Variants in NDUFS1 observed in about 807,000 individuals in gnomAD.
NDUFS1 encodes the protein NADH:ubiquinone oxidoreductase core subunit S1.
NDUFS1 carries 61 observed loss-of-function variants against 84.4 expected under a neutral mutation model. The observed-to-expected ratio is 0.72, with a 90% CI of 0.59 to 0.89. The LOEUF (loss-of-function observed/expected upper bound fraction) is 0.89, where lower values mean the gene tolerates loss of function less well. NDUFS1 is among the 40% of genes least tolerant of loss of function. The probability of loss-of-function intolerance (pLI) is 0.00; values close to 1 mark genes in which losing one functional copy is unlikely to be tolerated. For synonymous variants in NDUFS1, 275 were observed against 290.0 expected (o/e 0.95, Z 0.53); for missense variants, 891 against 890.0 (o/e 1.00, Z -0.01).
chr2:206,116,557 G>A lies in NDUFS1; in HGVS notation c.*7628C>T, dbSNP rs1690949657. ...GCCTCAGCCACTCGCGCGGGGAGGC[G>A]GGGCGGTGTGGGCAGAAGTAAATTT... is the stretch of plus-strand genomic sequence containing the variant. On this transcript the variant is annotated 3_prime_UTR_variant, in exon 19 of 19. Transcript: ENST00000233190. 9 of 664,580 alleles carry A rather than the reference G, an allele frequency of 1.4e-5. No homozygotes were observed. The highest frequency in any genetic ancestry group is 3.4e-5 in the South Asian group (2 of 58,402). 41.2% of individuals were successfully genotyped at this position (664,580 alleles called of 1,614,324 possible).
Position 206,127,938 on chromosome 2 carries a change from A to G in NDUFS1, c.1743T>C (p.Asp581=). 1 of 1,614,154 alleles carries G rather than the reference A, an allele frequency of 6.2e-7. No homozygotes were observed. The highest frequency in any genetic ancestry group is 8.5e-7 in the Non-Finnish European group (1 of 1,180,030). The change falls in exon 16 of 19, where the codon GAT becomes GAC. Residue 581 remains aspartate, a synonymous_variant. Coordinates refer to ENST00000233190, the MANE Select transcript of NDUFS1 (RefSeq NM_005006.7). ...TGTAAGCAGCTCCTGGGAGAATAAC[A>G]TCAGCTATGGGAGCCCCAACATCAC... ...HHGDVGAPIA[D]VILPGAAYTE... is the part of the protein sequence containing the mutation.
At chr2:206,124,857 A>AATAC (rs1363351206) in intron 18 of NDUFS1, among the ~76,000 whole-genome samples, 4 of 152,072 alleles carry the variant, frequency 2.6e-5, no homozygotes, top group Non-Finnish European at 5.9e-5. Flanking sequence ...TAAATAAATA[A>AATAC]ATAAATATAG....
intron 16 of NDUFS1, 127 bp downstream of exon 16, chr2:206,127,670 A>G (rs1030457999): frequency 5.8e-6 from 6 of 1,026,398 alleles, no homozygotes; most frequent in African/African-American, 4.8e-5. Flanking sequence ...TGTTTTCTAT[A>G]GAAATTATTC....
In NDUFS1 at chr2:206,123,519, G is replaced by A. The variant is rs1001092900; in HGVS notation, c.*666C>T. 6.6e-6 allele frequency: 1 copy of A among 152,172 alleles called. No homozygotes were observed. Among genetic ancestry groups the A allele is most frequent in the Non-Finnish European group, 1.5e-5 (1 of 68,042 alleles). The allele number at this position is 152,172 out of a possible 1,614,324, so 9.4% of individuals were successfully genotyped here. ...GAACAACAGGCTTTGGAGTAAATAA[G>A]AAGTAGGTTTGAGTTGGTGACTTTT... is the stretch of plus-strand genomic sequence containing the variant. On this transcript the variant is annotated 3_prime_UTR_variant, in exon 19 of 19. Transcript: ENST00000233190.
At position 206,130,091 on chromosome 2, in the gene NDUFS1, G is replaced by C. The variant is rs1691446232; in HGVS notation, c.1705C>G (p.Gln569Glu). The C allele has an allele frequency of 6.2e-7, 1 of 1,613,982 alleles. No homozygotes were observed. The highest frequency in any genetic ancestry group is 1.1e-5 in the South Asian group (1 of 91,080). Reference protein sequence around the residue: ...DLPKDCFIIYQGHHGDVGAPI... With the variant: ...DLPKDCFIIYEGHHGDVGAPI... ...TGGTGTCACAGGTGATACTTACCTT[G>C]ATAAATAATGAAACAATCCTTTGGC... Residue 569 changes from glutamine to glutamate, a missense_variant, in exon 15 of 19, where the codon CAA becomes GAA. Physicochemically the swap from Gln to Glu is conservative, Grantham distance 29. Coordinates refer to ENST00000233190, the MANE Select transcript of NDUFS1 (RefSeq NM_005006.7).
In NDUFS1 at chr2:206,148,050, G is replaced by A. The variant is rs1001384962; in HGVS notation, c.339-216C>T. 2.6e-5 allele frequency among the ~76,000 whole-genome samples: 4 copies of A among 151,868 alleles called. No individual in the cohort carries two copies. In the East Asian group the frequency reaches 5.8e-4, roughly 22 times the overall value. On this transcript the variant is annotated intron_variant, in intron 5 of 18. Transcript: ENST00000233190. ...AGCGATTCTCTTGCCTCAGCCTCCC[G>A]AGTATCTAGGATTACAGATGCCCAC...
rs1691982086 is a variant in NDUFS1, at chr2:206,142,035, T to C, written c.1168A>G (p.Thr390Ala). The change falls in exon 12 of 19, where the codon ACA becomes GCA. Residue 390 changes from threonine to alanine, a missense_variant. Physicochemically the swap from Thr to Ala is moderately conservative, Grantham distance 58. Transcript: ENST00000233190. ...TCTGCCTCTTCCACACCAGCAATTG[T>C]AGTATTAAGAAGATAATTGGAACGC... is the stretch of plus-strand genomic sequence containing the variant. ...DLRSNYLLNTTIAGVEEADVV... is the reference protein window; with the variant it reads ...DLRSNYLLNTAIAGVEEADVV... 3.1e-6 allele frequency: 5 copies of C among 1,606,036 alleles called. 1 individual carries two copies. The East Asian group carries it at 6.7e-5, about 22-fold the overall frequency.
In NDUFS1 at chr2:206,152,501, G is replaced by A. The variant is rs764371466; in HGVS notation, c.71C>T (p.Thr24Ile). 14 of 1,613,886 alleles carry A rather than the reference G, an allele frequency of 8.7e-6. No individual in the cohort carries two copies. The Admixed American group carries it at 1.8e-4, about 21-fold the overall frequency. The change falls in exon 3 of 19, where the codon ACT becomes ATT. Residue 24 changes from threonine (T) to isoleucine (I), a missense_variant. Physicochemically the swap from Thr to Ile is moderately conservative, Grantham distance 89. Transcript: ENST00000233190. ...SKSPKGCVRT[T>I]ATAASNLIEV... ...AATCAAGTTGCTTGCTGCTGTGGCAGTTGTTCGAACTGACCATCAAAGATA... is the reference window on the plus strand; with the variant it reads ...AATCAAGTTGCTTGCTGCTGTGGCAATTGTTCGAACTGACCATCAAAGATA...
chr2:206,124,004 G>T lies in NDUFS1; in HGVS notation c.*181C>A, dbSNP rs1691184572. 4 of 588,280 alleles carry T rather than the reference G, an allele frequency of 6.8e-6. No homozygotes were observed. The East Asian group carries it at 1.1e-4, about 17-fold the overall frequency. The allele number at this position is 588,280 out of a possible 1,614,324, so 36.4% of individuals were successfully genotyped here. ...TATTTAACCTTTACACACAATACAT[G>T]TTTTTCAAACTGCAAAGTTGATAAC... On this transcript the variant is annotated 3_prime_UTR_variant, in exon 19 of 19. Coordinates refer to ENST00000233190, the MANE Select transcript of NDUFS1 (RefSeq NM_005006.7).
At chr2:206,151,399 T>G (rs539157330) in intron 3 of NDUFS1, among the ~76,000 whole-genome samples, 1 of 152,328 alleles carries the variant, frequency 6.6e-6, no homozygotes, top group South Asian at 2.1e-4. Context: ...GTCGTTCTTG[T>G]TCACAATATG....
At position 206,158,494 on chromosome 2, in the gene NDUFS1, T is replaced by G. The variant is rs73067852; in HGVS notation, c.-5+847A>C. ...TTACGGACTCATTTCTGGCTCGTAG[T>G]AAATGTTCAATAACGGTTAAGTGAA... On this transcript the variant is annotated intron_variant, in intron 1 of 18. Transcript: ENST00000233190. Among the ~76,000 whole-genome samples, 1,340 of 152,328 alleles carry G rather than the reference T, an allele frequency of 8.8e-3. 16 individuals carry two copies. Among genetic ancestry groups the G allele is most frequent in the African/African-American group, 0.031 (1,272 of 41,570 alleles).
Position 206,126,622 on chromosome 2 carries a change from A to G in NDUFS1, c.2020-11T>C. ...CTGCTGGTTCACTAGCTGCACAAAAAAGAAGAGATCAACAATAATATGGAA... is the reference window on the plus strand; with the variant it reads ...CTGCTGGTTCACTAGCTGCACAAAAGAGAAGAGATCAACAATAATATGGAA... On this transcript the variant is annotated splice_polypyrimidine_tract_variant and intron_variant, in intron 17 of 18. Coordinates refer to ENST00000233190, the MANE Select transcript of NDUFS1 (RefSeq NM_005006.7). The G allele has an allele frequency of 6.2e-7, 1 of 1,614,146 alleles. No homozygotes were observed. Among genetic ancestry groups the G allele is most frequent in the Non-Finnish European group, 8.5e-7 (1 of 1,180,020 alleles).
At position 206,118,691 on chromosome 2, in the gene NDUFS1, T is replaced by G. The variant is rs1397516059; in HGVS notation, c.*5494A>C. On this transcript the variant is annotated 3_prime_UTR_variant, in exon 19 of 19. Transcript: ENST00000233190. ...GCCAGGCTGGGTGCGCTGGCTCACA[T>G]CTGGAATCCCAGCACTTTGGGAGGC... 1 of 146,908 alleles carries G rather than the reference T, an allele frequency of 6.8e-6. No homozygotes were observed. The highest frequency in any genetic ancestry group is 1.5e-5 in the Non-Finnish European group (1 of 66,414). 9.1% of individuals were successfully genotyped at this position (146,908 alleles called of 1,614,324 possible).
At position 206,122,067 on chromosome 2, in the gene NDUFS1, T is replaced by G. The variant is rs941305548; in HGVS notation, c.*2118A>C. On this transcript the variant is annotated 3_prime_UTR_variant, in exon 19 of 19. Transcript: ENST00000233190. ...ATTTTAGGCAAAGCACACAACTTCATGATGTATCACTGAGGAGGATAAGAT... is the reference window on the plus strand; with the variant it reads ...ATTTTAGGCAAAGCACACAACTTCAGGATGTATCACTGAGGAGGATAAGAT... The G allele has an allele frequency of 6.6e-6, 1 of 152,296 alleles. No individual in the cohort carries two copies. Among genetic ancestry groups the G allele is most frequent in the East Asian group, 1.9e-4 (1 of 5,150 alleles). The allele number at this position is 152,296 out of a possible 1,614,324, so 9.4% of individuals were successfully genotyped here.
In NDUFS1 at chr2:206,116,497, C is replaced by G. The variant is rs536271370; in HGVS notation, c.*7688G>C. ...CGCACGCTCCGCACCACTCGCAGCG[C>G]CATGTTCCCAGGGGTGCGGGGATGG... On this transcript the variant is annotated 3_prime_UTR_variant, in exon 19 of 19. Transcript: ENST00000233190. 8.8e-5 allele frequency: 107 copies of G among 1,212,204 alleles called. 1 individual carries two copies. The East Asian group carries it at 1.2e-3, about 14-fold the overall frequency. 75.1% of individuals were successfully genotyped at this position (1,212,204 alleles called of 1,614,324 possible).
chr2:206,124,258 G>A lies in NDUFS1; in HGVS notation c.2111C>T (p.Ser704Leu). ...TTTGACACATTTGGCCATTGTCTGT[G>A]AGGCTCTGCTAATTGAATCTGAAAG... ...FYMTDSISRA[S>L]QTMAKCVKAV... The change falls in exon 19 of 19, where the codon TCA (serine) becomes TTA (leucine). Residue 704 changes from serine (S) to leucine (L), a missense_variant. Ser to Leu is a moderately radical substitution (Grantham distance 145). Coordinates refer to ENST00000233190, the MANE Select transcript of NDUFS1 (RefSeq NM_005006.7). 1 of 1,612,188 alleles carries A rather than the reference G, an allele frequency of 6.2e-7. No individual in the cohort carries two copies. The highest frequency in any genetic ancestry group is 8.5e-7 in the Non-Finnish European group (1 of 1,178,264).
chr2:206,129,690 C>T (rs1407754631), intron 15 of NDUFS1, among the ~76,000 whole-genome samples: 1 of 151,428 alleles, frequency 6.6e-6, no homozygotes, highest in Non-Finnish European at 1.5e-5. Context: ...CTCCCAGGTT[C>T]AAGTGATTCT....
intron 14 of NDUFS1, among the ~76,000 whole-genome samples, chr2:206,131,963 A>C (rs913392960): frequency 6.6e-6 from 1 of 150,522 alleles, no homozygotes; most frequent in Non-Finnish European, 1.5e-5. Flanking sequence ...TAATAATAAT[A>C]AAATAAAAAA....
chr2:206,153,443 G>A (rs1692451235), intron 2 of NDUFS1, among the ~76,000 whole-genome samples, 175 bp downstream of exon 2: 1 of 152,030 alleles, frequency 6.6e-6, no homozygotes, highest in African/African-American at 2.4e-5. Context: ...CAATCCACCT[G>A]CCTCAGCCTC....
Sources: gnomAD v4.1 joint callset for allele counts (sites outside exome capture counted in the v4.1 genomes callset) on GRCh38, gnomAD v4.1.1 for gene constraint, MANE v1.5 for transcripts, NCBI Gene and HGNC (gene_info 2026-07-23, HGNC 2026-07-21) for gene names.